The following SATB2 variants were observed in gnomAD, a reference collection of about 807,000 sequenced individuals.
SATB2 encodes the protein DNA-binding protein SATB2.
SATB2 carries 1 observed loss-of-function variant against 73.4 expected under a neutral mutation model. The ratio of observed to expected loss-of-function variants is 0.01; its 90% CI spans 0.00 to 0.06. The LOEUF (loss-of-function observed/expected upper bound fraction) is 0.06. Among genes scored for constraint, SATB2 ranks in the 10% least tolerant of loss-of-function variants. The pLI is 1.00. For missense variants in SATB2, 459 were observed against 945.8 expected (o/e 0.49, Z 6.75); for synonymous variants, 397 against 367.0 (o/e 1.08, Z -0.93).
At chr2:199,379,682 CTTTTTT>C (rs71015899) in intron 5 of SATB2, among the ~76,000 whole-genome samples, 1 of 108,264 alleles carries the variant, frequency 9.2e-6, no homozygotes, top group Non-Finnish European at 1.9e-5. Flanking sequence ...CTTTTCTTTT[CTTTTTT>C]TTTTTTTTTT....
upstream of SATB2, chr2:199,468,130 G>A (rs1299560303): frequency 6.7e-6 from 1 of 150,188 alleles, no homozygotes; most frequent in Non-Finnish European, 1.5e-5. Context: ...CTGCAGTAGG[G>A]TCTCAGAGGA....
chr2:199,304,968 C>T (rs1687388699), intron 10 of SATB2, among the ~76,000 whole-genome samples: 1 of 151,990 alleles, frequency 6.6e-6, no homozygotes, highest in South Asian at 2.1e-4. Flanking sequence ...AAGAGAAATG[C>T]CATCAAACAT....
At chr2:199,344,491 C>T (rs1015925902) in intron 7 of SATB2, among the ~76,000 whole-genome samples, 1 of 152,186 alleles carries the variant, frequency 6.6e-6, no homozygotes, top group African/African-American at 2.4e-5. Flanking sequence ...CCTCCAAACT[C>T]ATTTTCAAGT....
chr2:199,410,328 C>A (rs1386160010), intron 3 of SATB2, among the ~76,000 whole-genome samples: 2 of 152,156 alleles, frequency 1.3e-5, no homozygotes, highest in African/African-American at 4.8e-5. Context: ...CAGCTAAATT[C>A]TGTGTGCTAA....
intron 7 of SATB2, among the ~76,000 whole-genome samples, chr2:199,340,547 C>A (rs887259278): frequency 2.0e-5 from 3 of 151,990 alleles, no homozygotes; most frequent in Non-Finnish European, 2.9e-5. Flanking sequence ...AGCTGAGACA[C>A]AAAATGAGCC....
chr2:199,449,046 C>A (rs987660294), intron 2 of SATB2, among the ~76,000 whole-genome samples: 1 of 152,074 alleles, frequency 6.6e-6, no homozygotes, highest in Non-Finnish European at 1.5e-5. Flanking sequence ...AACTTTATTG[C>A]AAGTTTCAAA....
At chr2:199,434,286 G>A (rs533814659) in intron 2 of SATB2, among the ~76,000 whole-genome samples, 149 of 152,126 alleles carry the variant, frequency 9.8e-4, no homozygotes, top group African/African-American at 3.4e-3. Context: ...ATCTTTTCTT[G>A]TGTTTTCAGA....
At chr2:199,437,332 CAA>C (rs1691681908) in intron 2 of SATB2, among the ~76,000 whole-genome samples, 1 of 152,104 alleles carries the variant, frequency 6.6e-6, no homozygotes, top group Non-Finnish European at 1.5e-5. Context: ...ATTCTGTTGT[CAA>C]AGAGGCAAAA....
intron 5 of SATB2, among the ~76,000 whole-genome samples, chr2:199,375,669 T>C (rs1244459403): frequency 6.6e-6 from 1 of 152,182 alleles, no homozygotes; most frequent in Non-Finnish European, 1.5e-5. Flanking sequence ...TTAGGGGTAA[T>C]AAGGAAGAAT....
chr2:199,280,700 C>T (rs1047342876), intron 10 of SATB2, among the ~76,000 whole-genome samples: 1 of 152,120 alleles, frequency 6.6e-6, no homozygotes. Context: ...GAAATTCCCG[C>T]CTAATAAATT....
intron 9 of SATB2, among the ~76,000 whole-genome samples, chr2:199,322,369 T>C (rs1362673520): frequency 6.6e-6 from 1 of 152,226 alleles, no homozygotes; most frequent in Non-Finnish European, 1.5e-5. Context: ...ATTATGCATT[T>C]AACAGCTTTA....
intron 6 of SATB2, among the ~76,000 whole-genome samples, chr2:199,364,680 T>A (rs544782231): frequency 1.1e-4 from 17 of 152,258 alleles, no homozygotes; most frequent in Non-Finnish European, 1.9e-4. Flanking sequence ...CACCTGTATT[T>A]GTGTAAACTT....
At chr2:199,427,809 T>C (rs1691381494) in intron 3 of SATB2, among the ~76,000 whole-genome samples, 1 of 152,130 alleles carries the variant, frequency 6.6e-6, no homozygotes, top group Admixed American at 6.5e-5. Context: ...ACTGAAAGAA[T>C]ATTCATTTCT....
At chr2:199,410,989 T>C (rs568746525) in intron 3 of SATB2, among the ~76,000 whole-genome samples, 33 of 152,302 alleles carry the variant, frequency 2.2e-4, no homozygotes, top group African/African-American at 6.7e-4. Flanking sequence ...AATTTTTTTT[T>C]CCTAATTAAA....
intron 3 of SATB2, among the ~76,000 whole-genome samples, chr2:199,394,384 G>A (rs948798463): frequency 1.6e-4 from 24 of 152,086 alleles, no homozygotes; most frequent in Non-Finnish European, 2.8e-4. Context: ...TCCACATGTC[G>A]ACAAGATTTA....
intron 3 of SATB2, among the ~76,000 whole-genome samples, chr2:199,409,167 C>CTTTT (rs67330007): frequency 3.7e-4 from 43 of 115,220 alleles, no homozygotes; most frequent in Non-Finnish European, 5.7e-4. Context: ...TTTTTCTTTT[C>CTTTT]TTTTTTTTTT....
chr2:199,420,906 G>A (rs1691147189), intron 3 of SATB2, among the ~76,000 whole-genome samples: 1 of 151,854 alleles, frequency 6.6e-6, no homozygotes. Flanking sequence ...TGATATTTTT[G>A]GTTACATGAA....
intron 5 of SATB2, among the ~76,000 whole-genome samples, chr2:199,370,696 C>T (rs73067536): frequency 0.02 from 3,094 of 152,178 alleles, 104 homozygotes; most frequent in African/African-American, 0.07. Flanking sequence ...CACTCTCTAC[C>T]CTCTCTTTGT....
intron 7 of SATB2, among the ~76,000 whole-genome samples, chr2:199,343,554 G>A (rs1688565998): frequency 1.3e-5 from 2 of 152,262 alleles, no homozygotes; most frequent in African/African-American, 4.8e-5. Flanking sequence ...GGCTGTTAGT[G>A]ACTACAGTAC....
Sources: allele counts gnomAD v4.1 joint callset (sites outside exome capture counted in the v4.1 genomes callset), GRCh38; gene constraint gnomAD v4.1.1; transcripts MANE v1.5; gene names NCBI Gene and HGNC (gene_info 2026-07-23, HGNC 2026-07-21).